The following NPR1 variants were observed in gnomAD, a reference collection of about 807,000 sequenced individuals.
NPR1 encodes the protein natriuretic peptide receptor 1.
Under a neutral mutation model 116.9 loss-of-function variants are expected in NPR1, and 57 were observed. The observed-to-expected ratio is 0.49, with a 90% CI of 0.39 to 0.61. The LOEUF (loss-of-function observed/expected upper bound fraction) is 0.61, where lower values mean the gene tolerates loss of function less well. Among genes scored for constraint, NPR1 ranks in the 20% least tolerant of loss-of-function variants. The pLI, the probability that NPR1 is intolerant of heterozygous loss-of-function variation, is 0.00. For synonymous variants in NPR1, 555 were observed against 601.6 expected, an observed-to-expected ratio of 0.92 and a Z score of 1.13; for missense variants, 1,096 against 1,409.8, an observed-to-expected ratio of 0.78 and a Z score of 3.56.
intron 13 of NPR1, 133 bp downstream of exon 13, chr1:153,687,489 A>T: frequency 6.8e-7 from 1 of 1,477,364 alleles, no homozygotes; most frequent in Non-Finnish European, 9.1e-7. Context: ...GAAAAAGGGA[A>T]GGCCAGACGA....
chr1:153,691,922 A>G (rs913417002), intron 20 of NPR1, among the ~76,000 whole-genome samples: 1 of 151,916 alleles, frequency 6.6e-6, no homozygotes, highest in African/African-American at 2.4e-5. Context: ...AAAAGAAAAG[A>G]AAGAAACTGT....
chr1:153,684,540 T>C (rs1490421185), intron 7 of NPR1, among the ~76,000 whole-genome samples: 2 of 151,862 alleles, frequency 1.3e-5, no homozygotes, highest in Non-Finnish European at 2.9e-5. Flanking sequence ...TACAGGCACA[T>C]GCCACCACGC....
In NPR1 at chr1:153,680,622, A is replaced by AGGT. The variant is rs761238494; in HGVS notation, c.846_848dup (p.Gly283dup). 1 of 1,614,126 alleles carries AGGT rather than the reference A, an allele frequency of 6.2e-7. No homozygotes were observed. Among genetic ancestry groups the AGGT allele is most frequent in the South Asian group, 1.1e-5 (1 of 91,078 alleles). Reference sequence around the variant, plus strand: ...TGGATATCTTTGGGCAAAGCCTGCAAGGTGGACAGGGCCCTGCTCCCCGCA... The same window carrying AGGT: ...TGGATATCTTTGGGCAAAGCCTGCAAGGTGGTGGACAGGGCCCTGCTCCCCGCA... On this transcript the variant is annotated inframe_insertion, in exon 2 of 22. Transcript: ENST00000368680.
chr1:153,686,872 T>C lies in NPR1; in HGVS notation c.1863+122T>C, dbSNP rs1340334048. 2.8e-5 allele frequency: 35 copies of C among 1,263,790 alleles called. 1 individual carries two copies. The highest frequency in any genetic ancestry group is 5.8e-5 in the Admixed American group (3 of 51,482). 78.3% of individuals were successfully genotyped at this position (1,263,790 alleles called of 1,614,324 possible). On this transcript the variant is annotated intron_variant, in intron 11 of 21. Coordinates refer to ENST00000368680, the MANE Select transcript of NPR1 (RefSeq NM_000906.4). ...ACCTTTCTGGCCCCATCTGTAAAAA[T>C]GGGAGTTGGGGAAGGGCAGTGGCAC... is the stretch of plus-strand genomic sequence containing the variant.
At position 153,684,883 on chromosome 1, in the gene NPR1, G is replaced by C. The variant is rs1014910276; in HGVS notation, c.1485-81G>C. On this transcript the variant is annotated intron_variant, in intron 7 of 21. Coordinates refer to ENST00000368680, the MANE Select transcript of NPR1 (RefSeq NM_000906.4). ...CTCTGAGTGCATGGTGTGGTCCCAC[G>C]GCTCTGAGGAGGGGCTGCTGAGCAC... The C allele has an allele frequency of 5.7e-6, 9 of 1,568,666 alleles. No homozygotes were observed. In the East Asian group the frequency reaches 1.8e-4, roughly 31 times the overall value.
chr1:153,687,597 C>A (rs1250911160), intron 13 of NPR1, 37 bp from the exon 14 acceptor site: 13 of 1,545,836 alleles, frequency 8.4e-6, no homozygotes, highest in Non-Finnish European at 1.1e-5. Flanking sequence ...TAGCTTTGGG[C>A]TCCCTCACTC....
Position 153,690,316 on chromosome 1 carries a change from A to G in NPR1, c.2965A>G (p.Met989Val). The change falls in exon 20 of 22, where the codon ATG becomes GTG. Residue 989 changes from methionine to valine, a missense_variant. Transcript: ENST00000368680. ...PVCAGVVGLK[M>V]PRYCLFGDTV... is the part of the protein sequence containing the mutation. ...GTGTGCTGGAGTGGTGGGACTGAAG[A>G]TGCCCCGTTACTGTCTCTTTGGGGA... 1 of 1,560,418 alleles carries G rather than the reference A, an allele frequency of 6.4e-7. No individual in the cohort carries two copies. Among genetic ancestry groups the G allele is most frequent in the East Asian group, 2.4e-5 (1 of 42,318 alleles).
intron 14 of NPR1, 53 bp downstream of exon 14, chr1:153,687,842 C>A: frequency 6.6e-7 from 1 of 1,524,884 alleles, no homozygotes; most frequent in South Asian, 1.3e-5. Context: ...CGAACCCCAG[C>A]CCCAGGGAGA....
Position 153,689,341 on chromosome 1 carries a change from G to A in NPR1, c.2688+30G>A. ...GCCAGGGTTCAGCCACAGGTGCCAG[G>A]CAAGCTCAGCATCTGGATCCCACCA... is the stretch of plus-strand genomic sequence containing the variant. On this transcript the variant is annotated intron_variant, in intron 17 of 21. Coordinates refer to ENST00000368680, the MANE Select transcript of NPR1 (RefSeq NM_000906.4). This position sits in a 1 kb window ranked among gnomAD's most constrained non-coding sequence, Gnocchi z 5.1. 2 of 1,614,124 alleles carry A rather than the reference G, an allele frequency of 1.2e-6. No individual in the cohort carries two copies. Among genetic ancestry groups the A allele is most frequent in the Non-Finnish European group, 1.7e-6 (2 of 1,180,020 alleles).
At chr1:153,680,802 T>C (rs963665965) in intron 2 of NPR1, 102 bp downstream of exon 2, 2 of 973,532 alleles carry the variant, frequency 2.1e-6, no homozygotes, top group Non-Finnish European at 3.0e-6. Context: ...AAAGAGGTTT[T>C]TGTCTGTTTG....
intron 10 of NPR1, among the ~76,000 whole-genome samples, 171 bp from the exon 11 acceptor site, chr1:153,686,475 T>C (rs899964078): frequency 1.3e-5 from 2 of 151,974 alleles, no homozygotes; most frequent in Admixed American, 6.5e-5. Flanking sequence ...TAGGAGCAGA[T>C]TCTGGGGAGG....
rs763147877 is a variant in NPR1, at chr1:153,689,121, C to A, written c.2564+22C>A. On this transcript the variant is annotated intron_variant, in intron 16 of 21. Transcript: ENST00000368680. This position sits in a 1 kb window ranked among gnomAD's most constrained non-coding sequence, Gnocchi z 5.1. ...CTCAGTGAGTGCCTGAGTCTGGGGA[C>A]CCCCCCCAACACAAAGCCCCTGTCC... The A allele has an allele frequency of 6.2e-6, 10 of 1,610,450 alleles. No individual in the cohort carries two copies. In the South Asian group the frequency reaches 1.1e-4, roughly 18 times the overall value.
At position 153,679,100 on chromosome 1, in the gene NPR1, G is replaced by A; in HGVS notation, c.-9G>A. ...GGAGCGCTCGCCTGCTGCGGTGCCC[G>A]CTGAGGCCATGCCGGGGCCCCGGCG... On this transcript the variant is annotated 5_prime_UTR_variant, in exon 1 of 22. Transcript: ENST00000368680. The surrounding 1 kb of genome is among the most constrained non-coding windows in gnomAD (Gnocchi z 4.2). 7.1e-7 allele frequency: 1 copy of A among 1,415,376 alleles called. No homozygotes were observed. The highest frequency in any genetic ancestry group is 3.2e-5 in the Admixed American group (1 of 30,840). The allele number at this position is 1,415,376 out of a possible 1,614,324, so 87.7% of individuals were successfully genotyped here. A position where few individuals can be genotyped will look rare whatever the true frequency, so the allele number is the denominator to read the frequency against.
At position 153,682,647 on chromosome 1, in the gene NPR1, T is replaced by G. The variant is rs28730727; in HGVS notation, c.1263+58T>G. On this transcript the variant is annotated intron_variant, in intron 5 of 21. Transcript: ENST00000368680. Reference sequence around the variant, plus strand: ...TCCAAATGACATCTCACCCTCCTACTTCCCCCCCACAGCCCTGCCAGGGCA... The same window carrying G: ...TCCAAATGACATCTCACCCTCCTACGTCCCCCCCACAGCCCTGCCAGGGCA... 1.2e-3 allele frequency: 1,491 copies of G among 1,293,770 alleles called. 3 individuals carry two copies. Among genetic ancestry groups the G allele is most frequent in the Non-Finnish European group, 1.5e-3 (1,336 of 895,334 alleles). 80.1% of individuals were successfully genotyped at this position (1,293,770 alleles called of 1,614,324 possible).
rs1669739611 is a variant in NPR1 at position 153,680,564 on chromosome 1, G to C, written c.785G>C (p.Gly262Ala). The C allele has an allele frequency of 6.2e-7, 1 of 1,614,060 alleles. No individual in the cohort carries two copies. Among genetic ancestry groups the C allele is most frequent in the Non-Finnish European group, 8.5e-7 (1 of 1,180,044 alleles). ...CTCATGCTCCTGGCCCTGGAAGCTG[G>C]CTTGTGTGGGGAGGACTACGTTTTC... ...RTLMLLALEA[G>A]LCGEDYVFFH... Residue 262 changes from glycine to alanine, a missense_variant, in exon 2 of 22, where the codon GGC (glycine) becomes GCC (alanine). Coordinates refer to ENST00000368680, the MANE Select transcript of NPR1 (RefSeq NM_000906.4).
intron 2 of NPR1, 154 bp downstream of exon 2, chr1:153,680,854 G>T: frequency 7.2e-6 from 5 of 690,454 alleles, no homozygotes; most frequent in Non-Finnish European, 1.2e-5. Flanking sequence ...CAGAAAAGAG[G>T]TTGGTGATGC....
Position 153,680,578 on chromosome 1 carries a change from GACT to G in NPR1, c.802_804del (p.Tyr268del), listed in dbSNP as rs1267423920. 5 of 1,614,158 alleles carry G rather than the reference GACT, an allele frequency of 3.1e-6. No individual in the cohort carries two copies. Among genetic ancestry groups the G allele is most frequent in the Non-Finnish European group, 4.2e-6 (5 of 1,180,036 alleles). On this transcript the variant is annotated inframe_deletion, in exon 2 of 22. Coordinates refer to ENST00000368680, the MANE Select transcript of NPR1 (RefSeq NM_000906.4). ...CCTGGAAGCTGGCTTGTGTGGGGAG[GACT>G]ACGTTTTCTTCCACCTGGATATCTT...
intron 20 of NPR1, among the ~76,000 whole-genome samples, 172 bp from the exon 21 acceptor site, chr1:153,692,934 A>G (rs1670146475): frequency 2.0e-5 from 3 of 152,158 alleles, no homozygotes; most frequent in African/African-American, 7.2e-5. Flanking sequence ...GTGGTCACGC[A>G]CTACATTCAG....
At position 153,690,445 on chromosome 1, in the gene NPR1, G is replaced by A. The variant is rs1479813260; in HGVS notation, c.3031+63G>A. ...GGTGGCTGAGGGAAATGCCATCCTG[G>A]GGCAGCCTGTGCCTGCACAGCCCGT... On this transcript the variant is annotated intron_variant, in intron 20 of 21. Transcript: ENST00000368680. 5.5e-6 allele frequency: 7 copies of A among 1,277,122 alleles called. No individual in the cohort carries two copies. The Middle Eastern group carries it at 9.4e-4, about 172-fold the overall frequency. The allele number at this position is 1,277,122 out of a possible 1,614,324, so 79.1% of individuals were successfully genotyped here.
Sources: allele counts gnomAD v4.1 joint callset (sites outside exome capture counted in the v4.1 genomes callset), GRCh38; gene constraint gnomAD v4.1.1; non-coding constraint Gnocchi (gnomAD v3.1); transcripts MANE v1.5; gene names NCBI Gene and HGNC (gene_info 2026-07-23, HGNC 2026-07-21).